Variants in TCERG1L observed in about 807,000 individuals in gnomAD.
TCERG1L encodes transcription elongation regulator 1 like.
Under a neutral mutation model 56.3 loss-of-function variants are expected in TCERG1L, and 37 were observed. The ratio of observed to expected loss-of-function variants is 0.66; its 90% CI spans 0.51 to 0.87. The LOEUF (loss-of-function observed/expected upper bound fraction) is 0.87. Among genes scored for constraint, TCERG1L ranks in the 40% least tolerant of loss-of-function variants. The pLI, the probability that TCERG1L is intolerant of heterozygous loss-of-function variation, is 0.00. For synonymous variants in TCERG1L, 324 were observed against 326.3 expected (o/e 0.99, Z 0.08); for missense variants, 799 against 774.2 (o/e 1.03, Z -0.38).
In TCERG1L at chr10:131,111,683, T is replaced by G; in HGVS notation, c.1395+5116A>C. 2.8e-5 allele frequency among the ~76,000 whole-genome samples: 4 copies of G among 142,946 alleles called. 1 individual carries two copies. The allele number at this position is 142,946 out of a possible 152,430, so 93.8% of individuals were successfully genotyped here. On this transcript the variant is annotated intron_variant, in intron 9 of 11. Coordinates refer to ENST00000368642, the MANE Select transcript of TCERG1L (RefSeq NM_174937.4). ...CTCGCACAGCCTGACCTTCCCCTCG[T>G]CCACGCCCCGTGGGCAGAGGACAGG... is the stretch of plus-strand genomic sequence containing the variant.
At chr10:131,157,541 G>A (rs1363299076) in intron 6 of TCERG1L, among the ~76,000 whole-genome samples, 1 of 151,902 alleles carries the variant, frequency 6.6e-6, no homozygotes, top group East Asian at 1.9e-4. Context: ...GAATAAGTGG[G>A]AGTGGTTTAA....
chr10:131,262,584 C>G (rs1846246067), intron 3 of TCERG1L, among the ~76,000 whole-genome samples: 1 of 152,154 alleles, frequency 6.6e-6, no homozygotes, highest in Non-Finnish European at 1.5e-5. Context: ...CCTCCACTCC[C>G]CTCATTGTGA....
chr10:131,210,959 C>T (rs970453318), intron 4 of TCERG1L, among the ~76,000 whole-genome samples: 4 of 152,190 alleles, frequency 2.6e-5, no homozygotes, highest in Non-Finnish European at 4.4e-5. Context: ...TTTACACCTT[C>T]CACGAGGCGC....
rs12411368 is a variant in TCERG1L at position 131,149,315 on chromosome 10, C to T, written c.1035-2655G>A. On this transcript the variant is annotated intron_variant, in intron 6 of 11. Coordinates refer to ENST00000368642, the MANE Select transcript of TCERG1L (RefSeq NM_174937.4). ...GGCTGGCCAACTACAGCAGACTCCA[C>T]ACCCAGGTAGCTGGATCCCTTCCTG... 0.023 allele frequency among the ~76,000 whole-genome samples: 3,456 copies of T among 152,186 alleles called. 181 individuals are homozygous for T. In the East Asian group the frequency reaches 0.23, roughly 10 times the overall value.
At chr10:131,124,939 G>T (rs1845549544) in intron 8 of TCERG1L, among the ~76,000 whole-genome samples, 1 of 152,164 alleles carries the variant, frequency 6.6e-6, no homozygotes, top group Non-Finnish European at 1.5e-5. Flanking sequence ...TTGCTTGTAA[G>T]AATTAAATGA....
chr10:131,198,092 C>T (rs1845386451), intron 4 of TCERG1L, among the ~76,000 whole-genome samples: 1 of 152,208 alleles, frequency 6.6e-6, no homozygotes, highest in African/African-American at 2.4e-5. Flanking sequence ...GAGGTTCTCA[C>T]CTGTGGCGAC....
intron 7 of TCERG1L, among the ~76,000 whole-genome samples, chr10:131,137,226 C>T (rs183248181): frequency 4.7e-4 from 72 of 152,280 alleles, no homozygotes; most frequent in Non-Finnish European, 9.3e-4. Context: ...CCCCAACACC[C>T]TCTAAGGAAG....
At chr10:131,095,983 A>G (rs1370366108) in intron 11 of TCERG1L, among the ~76,000 whole-genome samples, 1 of 152,220 alleles carries the variant, frequency 6.6e-6, no homozygotes, top group Non-Finnish European at 1.5e-5. Context: ...TCAATAGAGA[A>G]TGCTGGCCAG....
chr10:131,311,297 C>T lies in TCERG1L; in HGVS notation c.339G>A (p.Gly113=). The T allele has an allele frequency of 8.3e-7, 1 of 1,206,298 alleles. No homozygotes were observed. Among genetic ancestry groups the T allele is most frequent in the Non-Finnish European group, 1.0e-6 (1 of 971,980 alleles). 74.7% of individuals were successfully genotyped at this position (1,206,298 alleles called of 1,614,324 possible). A position where few individuals can be genotyped will look rare whatever the true frequency, so the allele number is the denominator to read the frequency against. Residue 113 remains glycine, a synonymous_variant, in exon 1 of 12, where the codon GGG becomes GGA. Coordinates refer to ENST00000368642, the MANE Select transcript of TCERG1L (RefSeq NM_174937.4). This position sits in a 1 kb window ranked among gnomAD's most constrained non-coding sequence, Gnocchi z 4.0. ...AGGCGGGACGGGGACACGTTACCTG[C>T]CCGTGGAGCGCGGGGAAGGGGTGCG... ...AAAHPFPALH[G]QWLFGGHSPS...
At position 131,267,325 on chromosome 10, in the gene TCERG1L, G is replaced by A. The variant is rs990081479; in HGVS notation, c.671-6881C>T. Among the ~76,000 whole-genome samples, 14 of 152,282 alleles carry A rather than the reference G, an allele frequency of 9.2e-5. No individual in the cohort carries two copies. In the East Asian group the frequency reaches 9.7e-4, roughly 11 times the overall value. ...TTGGCCCCAACCCTACTCTAGGATCGGAGTAAGCACTGGAAGCAGGGAGAG... is the reference window on the plus strand; with the variant it reads ...TTGGCCCCAACCCTACTCTAGGATCAGAGTAAGCACTGGAAGCAGGGAGAG... On this transcript the variant is annotated intron_variant, in intron 3 of 11. Transcript: ENST00000368642. This position sits in a 1 kb window ranked among gnomAD's most constrained non-coding sequence, Gnocchi z 4.9.
At chr10:131,134,058 G>A (rs936814873) in intron 8 of TCERG1L, among the ~76,000 whole-genome samples, 1 of 152,130 alleles carries the variant, frequency 6.6e-6, no homozygotes, top group Non-Finnish European at 1.5e-5. Context: ...ACAGCACATG[G>A]CACCTCCTAT....
At chr10:131,286,515 C>T (rs936114159) in intron 3 of TCERG1L, among the ~76,000 whole-genome samples, 2 of 151,982 alleles carry the variant, frequency 1.3e-5, no homozygotes, top group South Asian at 2.1e-4. Context: ...CCCTTCCTTC[C>T]GCATTCTAAT....
At chr10:131,105,286 C>T (rs113428541) in intron 9 of TCERG1L, among the ~76,000 whole-genome samples, 25 of 152,308 alleles carry the variant, frequency 1.6e-4, no homozygotes, top group African/African-American at 4.8e-4. Flanking sequence ...CAGTGGTGGC[C>T]GTGGTCGGCT....
chr10:131,134,092 C>T (rs1423192948), intron 8 of TCERG1L, among the ~76,000 whole-genome samples: 2 of 152,176 alleles, frequency 1.3e-5, no homozygotes, highest in Non-Finnish European at 2.9e-5. Context: ...ATGACCACTC[C>T]TACAGGACTC....
chr10:131,097,327 G>A (rs2133377851), intron 11 of TCERG1L, among the ~76,000 whole-genome samples: 1 of 151,770 alleles, frequency 6.6e-6, no homozygotes, highest in South Asian at 2.1e-4. Context: ...TCTAAAAGTA[G>A]TACATGTTCA....
chr10:131,286,759 C>A (rs778671254), intron 3 of TCERG1L, among the ~76,000 whole-genome samples: 1 of 152,156 alleles, frequency 6.6e-6, no homozygotes, highest in Non-Finnish European at 1.5e-5. Flanking sequence ...GAAATGCTGT[C>A]TTTAGGCCTC....
chr10:131,097,378 C>T (rs899669689), intron 11 of TCERG1L, among the ~76,000 whole-genome samples: 1 of 152,104 alleles, frequency 6.6e-6, no homozygotes, highest in African/African-American at 2.4e-5. Flanking sequence ...GACGGAGACT[C>T]ACTCTGTCGC....
At chr10:131,133,165 G>A (rs1368330906) in intron 8 of TCERG1L, among the ~76,000 whole-genome samples, 1 of 152,174 alleles carries the variant, frequency 6.6e-6, no homozygotes, top group East Asian at 1.9e-4. Flanking sequence ...TGCTGGGCCT[G>A]CTAGGTACCC....
chr10:131,227,998 G>C (rs2133505853), intron 4 of TCERG1L, among the ~76,000 whole-genome samples: 1 of 141,986 alleles, frequency 7.0e-6, no homozygotes. Flanking sequence ...CCCAGCACCT[G>C]ACTTGGACTC....
Sources: gnomAD v4.1 joint callset for allele counts (sites outside exome capture counted in the v4.1 genomes callset) on GRCh38, gnomAD v4.1.1 for gene constraint, Gnocchi (gnomAD v3.1) non-coding constraint, MANE v1.5 for transcripts, NCBI Gene and HGNC (gene_info 2026-07-23, HGNC 2026-07-21) for gene names.